VPS8: variants seen among roughly 807,000 people sequenced by gnomAD.
VPS8 encodes vacuolar protein sorting-associated protein 8 homolog.
VPS8 carries 129 observed loss-of-function variants against 216.4 expected under a neutral mutation model. The observed-to-expected ratio is 0.60, with a 90% confidence interval of 0.52 to 0.69. The LOEUF is 0.69. Ranked by LOEUF, VPS8 falls within the 30% of genes least tolerant of loss-of-function variation. The probability of loss-of-function intolerance (pLI) is 0.00; values close to 1 mark genes in which losing one functional copy is unlikely to be tolerated. For synonymous variants in VPS8, 571 were observed against 565.4 expected (o/e 1.01, Z -0.14); for missense variants, 1,531 against 1,683.5 (o/e 0.91, Z 1.59).
chr3:184,861,809 A>C (rs987463222), intron 15 of VPS8, among the ~76,000 whole-genome samples: 2 of 152,088 alleles, frequency 1.3e-5, no homozygotes, highest in African/African-American at 4.8e-5. Context: ...TCACCAGGTG[A>C]CCTCTGAGAG....
At chr3:184,910,804 A>T (rs1736378329) in intron 25 of VPS8, among the ~76,000 whole-genome samples, 1 of 152,194 alleles carries the variant, frequency 6.6e-6, no homozygotes, top group South Asian at 2.1e-4. Context: ...AAGGAAGGAC[A>T]GTGTGGCTGC....
At chr3:184,977,662 T>C (rs1470185581) in intron 40 of VPS8, among the ~76,000 whole-genome samples, 1 of 151,964 alleles carries the variant, frequency 6.6e-6, no homozygotes, top group Non-Finnish European at 1.5e-5. Flanking sequence ...TTCATTCTTC[T>C]GCATATGGAT....
At chr3:185,048,111 A>G (rs879745371) in intron 46 of VPS8, among the ~76,000 whole-genome samples, 19 of 152,254 alleles carry the variant, frequency 1.2e-4, no homozygotes, top group Admixed American at 6.5e-5. Context: ...GAAAAGCGGT[A>G]TCTTTGCTGG....
chr3:184,894,954 T>G, intron 23 of VPS8, 29 bp downstream of exon 23: 3 of 1,537,814 alleles, frequency 2.0e-6, no homozygotes, highest in Non-Finnish European at 2.7e-6. Context: ...TACTAACTTA[T>G]GAAATAAACT....
At chr3:184,982,260 T>C (rs1388381342) in intron 40 of VPS8, among the ~76,000 whole-genome samples, 1 of 152,164 alleles carries the variant, frequency 6.6e-6, no homozygotes, top group Admixed American at 6.5e-5. Flanking sequence ...TCTTTGAACC[T>C]GCCCTCCCCT....
chr3:184,953,476 G>C (rs912030321), intron 36 of VPS8, among the ~76,000 whole-genome samples: 19 of 152,100 alleles, frequency 1.2e-4, no homozygotes, highest in African/African-American at 4.3e-4. Flanking sequence ...GAATATTAAG[G>C]TTTGGCTTGT....
At chr3:184,859,015 GT>G (rs1196848410) in intron 14 of VPS8, among the ~76,000 whole-genome samples, 2 of 152,132 alleles carry the variant, frequency 1.3e-5, no homozygotes, top group African/African-American at 2.4e-5. Context: ...GGACACAACT[GT>G]TTTGGCAGCC....
chr3:185,005,603 A>G lies in VPS8; in HGVS notation c.4002+5742A>G, dbSNP rs1036759120. Reference sequence around the variant, plus strand: ...AGGTCTTTCAACTCCTTGGTTGGGTATATTCCTAAGTATTTTATTTATTTT... The same window carrying G: ...AGGTCTTTCAACTCCTTGGTTGGGTGTATTCCTAAGTATTTTATTTATTTT... On this transcript the variant is annotated intron_variant, in intron 45 of 47. Transcript: ENST00000625842. Among the ~76,000 whole-genome samples, 3 of 151,870 alleles carry G rather than the reference A, an allele frequency of 2.0e-5. No individual in the cohort carries two copies. The East Asian group carries it at 5.8e-4, about 29-fold the overall frequency.
At chr3:184,996,229 T>C in intron 43 of VPS8, 103 bp from the exon 44 acceptor site, 6 of 1,335,248 alleles carry the variant, frequency 4.5e-6, no homozygotes, top group Non-Finnish European at 6.0e-6. Flanking sequence ...ATTTTAGCTG[T>C]TGGTAGTTGA....
intron 38 of VPS8, among the ~76,000 whole-genome samples, chr3:184,964,985 A>C (rs1358419826): frequency 6.6e-6 from 1 of 152,148 alleles, no homozygotes; most frequent in Non-Finnish European, 1.5e-5. Context: ...TAGCAATTCT[A>C]TTTTTAATTT....
rs61247062 is a variant in VPS8 at position 184,944,062 on chromosome 3, CAA to C, written c.3035+3821_3035+3822del. Among the ~76,000 whole-genome samples, 12 of 146,144 alleles carry C rather than the reference CAA, an allele frequency of 8.2e-5. No individual in the cohort carries two copies. In the South Asian group the frequency reaches 8.6e-4, roughly 11 times the overall value. On this transcript the variant is annotated intron_variant, in intron 36 of 47. Transcript: ENST00000625842. ...GGTTGCACACACACACACACACACA[CAA>C]ACAAACATTTACAAGTATCAAGTTG...
intron 21 of VPS8, among the ~76,000 whole-genome samples, chr3:184,881,529 G>A (rs1730267158): frequency 6.6e-6 from 1 of 152,182 alleles, no homozygotes; most frequent in African/African-American, 2.4e-5. Flanking sequence ...CCCACTGCCA[G>A]TACCACATAA....
Position 185,023,605 on chromosome 3 carries a change from C to T in VPS8, c.4003-731C>T, listed in dbSNP as rs1212602352. 2.0e-5 allele frequency among the ~76,000 whole-genome samples: 3 copies of T among 151,998 alleles called. No individual in the cohort carries two copies. The South Asian group carries it at 6.2e-4, about 32-fold the overall frequency. ...CCTGGGAGGCGGAGGTTGCAATGAGCCAAGATCGTGCCATTGCACTCCAGC... is the reference window on the plus strand; with the variant it reads ...CCTGGGAGGCGGAGGTTGCAATGAGTCAAGATCGTGCCATTGCACTCCAGC... On this transcript the variant is annotated intron_variant, in intron 45 of 47. Transcript: ENST00000625842.
chr3:184,940,076 C>A, intron 35 of VPS8, 121 bp from the exon 36 acceptor site: 1 of 351,478 alleles, frequency 2.8e-6, no homozygotes, highest in Non-Finnish European at 5.1e-6. Context: ...GTACAGAGGG[C>A]TTTGTGGAAA....
chr3:184,872,184 C>T (rs1416906826), intron 21 of VPS8, among the ~76,000 whole-genome samples: 2 of 151,878 alleles, frequency 1.3e-5, no homozygotes, highest in South Asian at 4.2e-4. Context: ...ATATACCTAT[C>T]ACCAAGAGGT....
chr3:185,030,975 T>C (rs976026380), intron 46 of VPS8, among the ~76,000 whole-genome samples: 1 of 151,950 alleles, frequency 6.6e-6, no homozygotes, highest in African/African-American at 2.4e-5. Context: ...GAAGTAAGGT[T>C]TTTATAACCA....
In VPS8 at chr3:184,843,240, GA is replaced by G. The variant is rs1225047190; in HGVS notation, c.540del (p.Asp181IlefsTer54). 7.8e-6 allele frequency: 11 copies of G among 1,415,670 alleles called. No homozygotes were observed. Among genetic ancestry groups the G allele is most frequent in the Admixed American group, 2.4e-5 (1 of 42,182 alleles). 87.7% of individuals were successfully genotyped at this position (1,415,670 alleles called of 1,614,324 possible). On this transcript the variant is annotated frameshift_variant and splice_region_variant, in exon 8 of 48. Transcript: ENST00000625842. LOFTEE classifies it high-confidence loss of function. The stretch of plus-strand genomic sequence containing the variant: ...GATCTTTTCTTCATGGATTCAAAAG[GA>G]AAAGGTATAGTAAGTAATTTTAGTT... ...GTSHGLALIF[G>X]KDQNQALRLC...
chr3:184,991,841 T>C (rs926705338), intron 42 of VPS8, among the ~76,000 whole-genome samples: 3 of 152,214 alleles, frequency 2.0e-5, no homozygotes, highest in Non-Finnish European at 2.9e-5. Context: ...GTCTGAAATA[T>C]CTGTATCTTG....
chr3:184,891,494 A>T (rs532958338), intron 22 of VPS8, among the ~76,000 whole-genome samples: 1 of 152,168 alleles, frequency 6.6e-6, no homozygotes, highest in Non-Finnish European at 1.5e-5. Context: ...AGCTGGGGGA[A>T]AAAAGGCGTT....
Sources: gnomAD v4.1 joint callset for allele counts (sites outside exome capture counted in the v4.1 genomes callset) on GRCh38, gnomAD v4.1.1 for gene constraint, MANE v1.5 for transcripts, NCBI Gene and HGNC (gene_info 2026-07-23, HGNC 2026-07-21) for gene names.